SACM1L: variants seen among roughly 807,000 people sequenced by gnomAD.
SACM1L encodes the protein phosphatidylinositol-3-phosphatase SAC1.
SACM1L carries 32 observed loss-of-function variants against 89.5 expected under a neutral mutation model. That is an observed-to-expected ratio of 0.36 (90% CI 0.27 to 0.48). SACM1L has a LOEUF of 0.48. Ranked by LOEUF, SACM1L falls within the 20% of genes least tolerant of loss-of-function variation. The pLI is 0.99. For synonymous variants in SACM1L, 213 were observed against 232.8 expected (o/e 0.92, Z 0.77); for missense variants, 543 against 708.5 (o/e 0.77, Z 2.65).
intron 2 of SACM1L, 69 bp from the exon 3 acceptor site, chr3:45,705,066 G>T: frequency 2.0e-6 from 2 of 987,004 alleles, no homozygotes; most frequent in Middle Eastern, 2.1e-4. Flanking sequence ...TATTGAAATC[G>T]AACTAAATTT....
rs768383219 is a variant in SACM1L at position 45,709,505 on chromosome 3, A to G, written c.341A>G (p.Asp114Gly). ...MLHLTDIQLQ[D>G]NKTFLAMLNH... ...ATTTTTCTTTGTTTATAGTTACAAGATAATAAAACCTTCCTAGCGATGCTA... is the reference window on the plus strand; with the variant it reads ...ATTTTTCTTTGTTTATAGTTACAAGGTAATAAAACCTTCCTAGCGATGCTA... Residue 114 changes from aspartate (D) to glycine (G), a missense_variant, in exon 5 of 20, where the codon GAT becomes GGT. Coordinates refer to ENST00000389061, the MANE Select transcript of SACM1L (RefSeq NM_014016.5). The G allele has an allele frequency of 3.1e-6, 5 of 1,607,116 alleles. No homozygotes were observed. The highest frequency in any genetic ancestry group is 4.2e-6 in the Non-Finnish European group (5 of 1,177,462).
At chr3:45,712,454 C>G (rs918051675) in intron 5 of SACM1L, among the ~76,000 whole-genome samples, 2 of 152,152 alleles carry the variant, frequency 1.3e-5, no homozygotes, top group Non-Finnish European at 2.9e-5. Flanking sequence ...AGGCTGGTCT[C>G]GAACTCCTAA....
intron 14 of SACM1L, chr3:45,737,352 C>T: frequency 1.8e-6 from 1 of 557,928 alleles, no homozygotes; most frequent in Non-Finnish European, 3.1e-6. Flanking sequence ...TGCTATCCCT[C>T]AAGGGAGTGC....
chr3:45,705,966 A>G (rs368581466), intron 3 of SACM1L, among the ~76,000 whole-genome samples: 50 of 152,218 alleles, frequency 3.3e-4, no homozygotes, highest in South Asian at 6.2e-4. Flanking sequence ...TGAAGTTCCT[A>G]TTTTTTCAGG....
At chr3:45,722,730 G>A (rs779573748) in intron 9 of SACM1L, 139 bp from the exon 10 acceptor site, 3 of 569,484 alleles carry the variant, frequency 5.3e-6, no homozygotes, top group African/African-American at 1.9e-5. Context: ...GCAGATACAC[G>A]TGGACTTTTA....
chr3:45,717,694 CAATA>C (rs1698691864), intron 7 of SACM1L, among the ~76,000 whole-genome samples: 1 of 152,130 alleles, frequency 6.6e-6, no homozygotes, highest in African/African-American at 2.4e-5. Flanking sequence ...GCCATTGAAA[CAATA>C]AAACCTTTCT....
chr3:45,719,449 A>G, intron 7 of SACM1L, 51 bp from the exon 8 acceptor site: 2 of 1,060,072 alleles, frequency 1.9e-6, no homozygotes, highest in Non-Finnish European at 2.8e-6. Context: ...CAATCTAGAA[A>G]CAATGCTTAT....
chr3:45,729,236 G>C (rs911621461), intron 11 of SACM1L, among the ~76,000 whole-genome samples: 2 of 150,616 alleles, frequency 1.3e-5, no homozygotes, highest in South Asian at 4.3e-4. Flanking sequence ...ACAGGTGTGG[G>C]CCACCACACC....
At chr3:45,738,705 G>A (rs1457814162) in intron 17 of SACM1L, 34 bp downstream of exon 17, 23 of 1,538,354 alleles carry the variant, frequency 1.5e-5, no homozygotes, top group African/African-American at 2.7e-5. Flanking sequence ...CTGGCATTAC[G>A]TGGTTGTATC....
chr3:45,692,116 T>A (rs1371129939), intron 1 of SACM1L, among the ~76,000 whole-genome samples: 1 of 152,208 alleles, frequency 6.6e-6, no homozygotes, highest in East Asian at 1.9e-4. Flanking sequence ...TCCTCTCTGT[T>A]CTCTTTACAT....
intron 14 of SACM1L, chr3:45,737,215 T>C (rs1699221127): frequency 4.6e-6 from 1 of 216,066 alleles, no homozygotes; most frequent in Non-Finnish European, 9.0e-6. Context: ...GGATGATGCA[T>C]GTGAGGGGGT....
At chr3:45,724,058 A>G (rs1233164460) in intron 11 of SACM1L, among the ~76,000 whole-genome samples, 3 of 151,966 alleles carry the variant, frequency 2.0e-5, no homozygotes, top group South Asian at 2.1e-4. Context: ...TTTTTTGGCT[A>G]TTATGAATAA....
chr3:45,718,683 A>T (rs1698720811), intron 7 of SACM1L, among the ~76,000 whole-genome samples: 1 of 152,158 alleles, frequency 6.6e-6, no homozygotes, highest in Non-Finnish European at 1.5e-5. Context: ...ATAGTTACAC[A>T]CATTATACTT....
intron 13 of SACM1L, among the ~76,000 whole-genome samples, chr3:45,734,057 A>T (rs1575410093): frequency 6.6e-6 from 1 of 151,964 alleles, no homozygotes; most frequent in African/African-American, 2.4e-5. Context: ...TTTTCAAATA[A>T]TACCCAATTG....
chr3:45,729,703 C>T (rs939388537), intron 11 of SACM1L, among the ~76,000 whole-genome samples: 9 of 152,090 alleles, frequency 5.9e-5, no homozygotes, highest in African/African-American at 2.2e-4. Context: ...TGATGAGTCT[C>T]CTCTCTCTTG....
At chr3:45,711,701 A>G (rs1036570859) in intron 5 of SACM1L, among the ~76,000 whole-genome samples, 2 of 152,150 alleles carry the variant, frequency 1.3e-5, no homozygotes, top group African/African-American at 4.8e-5. Context: ...TTAAAACCTA[A>G]AAGTTTTACA....
At chr3:45,740,427 TTGTGAGGGTGGCCATC>T (rs1699289662) in intron 19 of SACM1L, among the ~76,000 whole-genome samples, 1 of 152,156 alleles carries the variant, frequency 6.6e-6, no homozygotes, top group Non-Finnish European at 1.5e-5. Context: ...TTGTGACAGT[TTGTGAGGGTGGCCATC>T]TGTGAGGATA....
intron 7 of SACM1L, among the ~76,000 whole-genome samples, chr3:45,714,504 G>A (rs571959716): frequency 5.3e-5 from 8 of 152,298 alleles, no homozygotes; most frequent in African/African-American, 1.9e-4. Flanking sequence ...GCTGAGGTGG[G>A]AGGATGACTT....
At position 45,703,493 on chromosome 3, in the gene SACM1L, G is replaced by A. The variant is rs747955868; in HGVS notation, c.88G>A (p.Val30Ile). Reference sequence around the variant, plus strand: ...AGCTTGTGATGATGGAGCAGATGACGTACTTACCATTGACCGTGTGTCCAC... The same window carrying A: ...AGCTTGTGATGATGGAGCAGATGACATACTTACCATTGACCGTGTGTCCAC... ...VEACDDGADDVLTIDRVSTEV... is the reference protein window; with the variant it reads ...VEACDDGADDILTIDRVSTEV... Residue 30 changes from valine (V) to isoleucine (I), a missense_variant, in exon 2 of 20, where the codon GTA becomes ATA. Val to Ile is a conservative substitution (Grantham distance 29). Around this residue, in one of 2 missense-constraint regions of SACM1L, gnomAD observed 173 missense variants for 180.9 expected, o/e 0.96. Transcript: ENST00000389061. The A allele has an allele frequency of 8.1e-6, 13 of 1,613,058 alleles. No homozygotes were observed. Among genetic ancestry groups the A allele is most frequent in the South Asian group, 3.3e-5 (3 of 91,060 alleles).
Sources: gnomAD v4.1 joint callset for allele counts (sites outside exome capture counted in the v4.1 genomes callset) on GRCh38, gnomAD v4.1.1 for gene constraint, gnomAD v4.1.1 regional missense constraint, MANE v1.5 for transcripts, NCBI Gene and HGNC (gene_info 2026-07-23, HGNC 2026-07-21) for gene names.